NAA25: variants seen among roughly 807,000 people sequenced by gnomAD.
The protein encoded by NAA25 is N-terminal acetyltransferase B complex subunit NAA25.
A neutral mutation model predicts 132.5 loss-of-function variants in NAA25; 30 were observed. The observed-to-expected ratio is 0.23, with a 90% confidence interval of 0.17 to 0.31. The LOEUF is 0.31. Ranked by LOEUF, NAA25 falls within the 10% of genes least tolerant of loss-of-function variation. The pLI is 1.00. For missense variants in NAA25, 771 were observed against 1,150.4 expected (o/e 0.67, Z 4.77); for synonymous variants, 359 against 401.9 (o/e 0.89, Z 1.28).
intron 23 of NAA25, among the ~76,000 whole-genome samples, chr12:112,031,504 G>A (rs1183304913): frequency 6.6e-6 from 1 of 152,130 alleles, no homozygotes; most frequent in Non-Finnish European, 1.5e-5. Flanking sequence ...AGCCTAGAGA[G>A]GTTAGGTAAC....
intron 15 of NAA25, among the ~76,000 whole-genome samples, chr12:112,052,154 TGA>T (rs1011668149): frequency 1.3e-5 from 2 of 152,184 alleles, no homozygotes; most frequent in African/African-American, 2.4e-5. Context: ...ATTTTTTTTT[TGA>T]GTTAGTGAAA....
At chr12:112,054,720 A>C in intron 13 of NAA25, 152 bp from the exon 14 acceptor site, 1 of 675,008 alleles carries the variant, frequency 1.5e-6, no homozygotes, top group Non-Finnish European at 2.4e-6. Context: ...CTGTAACCAA[A>C]ATAGAGAATT....
intron 17 of NAA25, among the ~76,000 whole-genome samples, chr12:112,044,671 A>G (rs928473061): frequency 1.4e-5 from 2 of 145,892 alleles, no homozygotes; most frequent in Non-Finnish European, 3.1e-5. Flanking sequence ...CTCCATCTCA[A>G]AACAAAACAA....
At position 112,048,393 on chromosome 12, in the gene NAA25, G is replaced by A. The variant is rs3741996; in HGVS notation, c.1779C>T (p.Ile593=). ...TGTTCCTAAAAGCGATAAACTCTGG[G>A]ATCTTCTCAAATGCACCATATTTGT... The part of the protein sequence containing the change: ...QAYKYGAFEK[I]PEFIAFRNRL... Residue 593 remains isoleucine (I), a synonymous_variant, in exon 16 of 24, where the codon ATC becomes ATT. Transcript: ENST00000261745. The A allele has an allele frequency of 1.3e-3, 2,167 of 1,613,934 alleles. 30 individuals carry two copies. In the East Asian group the frequency reaches 0.04, roughly 30 times the overall value.
At position 112,033,376 on chromosome 12, in the gene NAA25, G is replaced by A; in HGVS notation, c.2653C>T (p.Pro885Ser). 2 of 1,597,930 alleles carry A rather than the reference G, an allele frequency of 1.3e-6. No individual in the cohort carries two copies. ...KKKETSIIMP[P>S]VFTSFQDYVT... ...TAGTCTTGGAAACTGGTAAAGACAG[G>A]TGGCTGGGAAAAAGATTAAAAAAGA... Residue 885 changes from proline (P) to serine (S), a missense_variant, in exon 23 of 24, where the codon CCT (proline) becomes TCT (serine). Transcript: ENST00000261745.
chr12:112,061,022 TAAGA>T (rs1459305430), intron 12 of NAA25, among the ~76,000 whole-genome samples, 155 bp downstream of exon 12: 1 of 152,214 alleles, frequency 6.6e-6, no homozygotes, highest in Non-Finnish European at 1.5e-5. Flanking sequence ...ACTCCAGGCT[TAAGA>T]AAGGCTTTAC....
intron 13 of NAA25, among the ~76,000 whole-genome samples, chr12:112,057,773 G>C (rs1279016856): frequency 1.3e-5 from 2 of 152,116 alleles, no homozygotes; most frequent in Admixed American, 1.3e-4. Context: ...GGTGGATCAC[G>C]AGGTCAAGAG....
intron 10 of NAA25, chr12:112,069,213 G>T (rs2078765515): frequency 2.3e-6 from 1 of 440,976 alleles, no homozygotes; most frequent in Admixed American, 4.0e-5. Flanking sequence ...GTCTTTAAAA[G>T]ATAAAAAAAT....
chr12:112,046,886 A>T (rs1238234974), intron 17 of NAA25, among the ~76,000 whole-genome samples: 1 of 152,126 alleles, frequency 6.6e-6, no homozygotes, highest in Non-Finnish European at 1.5e-5. Flanking sequence ...GAACTTAACA[A>T]ATTTATTATT....
intron 1 of NAA25, among the ~76,000 whole-genome samples, chr12:112,105,319 G>C (rs759043685): frequency 4.6e-5 from 7 of 152,094 alleles, no homozygotes; most frequent in Non-Finnish European, 1.0e-4. Context: ...AAAAAATAAC[G>C]AAAGAAGGCA....
At chr12:112,040,369 T>C in intron 21 of NAA25, 112 bp downstream of exon 21, 1 of 584,498 alleles carries the variant, frequency 1.7e-6, no homozygotes, top group Middle Eastern at 3.2e-4. Flanking sequence ...AAAACAGGGA[T>C]GGAGGGTTAA....
intron 13 of NAA25, among the ~76,000 whole-genome samples, chr12:112,058,097 C>T (rs2078574687): frequency 1.3e-5 from 2 of 151,226 alleles, no homozygotes; most frequent in Admixed American, 1.3e-4. Context: ...CAGTGAGCCA[C>T]GATTGTGCCA....
At chr12:112,070,696 C>T (rs1470165287) in intron 10 of NAA25, among the ~76,000 whole-genome samples, 1 of 152,046 alleles carries the variant, frequency 6.6e-6, no homozygotes, top group East Asian at 1.9e-4. Context: ...TGTGTCTCAG[C>T]CTCCCGAGTA....
chr12:112,099,089 C>A (rs1411035169), intron 1 of NAA25, among the ~76,000 whole-genome samples: 1 of 151,918 alleles, frequency 6.6e-6, no homozygotes, highest in East Asian at 1.9e-4. Context: ...TAGATTAAAG[C>A]AATTCTCCTG....
In NAA25 at chr12:112,108,782, G is replaced by A. The variant is rs2079404295; in HGVS notation, c.-9C>T. 2 of 1,503,036 alleles carry A rather than the reference G, an allele frequency of 1.3e-6. No individual in the cohort carries two copies. The highest frequency in any genetic ancestry group is 1.8e-4 in the Middle Eastern group (1 of 5,704). 93.1% of individuals were successfully genotyped at this position (1,503,036 alleles called of 1,614,324 possible). ...TGGCCCCGCGTCGCCATGATGACAA[G>A]CGCAGAACCACAGTGCGCACGCGCG... On this transcript the variant is annotated 5_prime_UTR_variant, in exon 1 of 24. Coordinates refer to ENST00000261745, the MANE Select transcript of NAA25 (RefSeq NM_024953.4).
chr12:112,092,967 T>A, intron 2 of NAA25, 84 bp downstream of exon 2: 3 of 920,472 alleles, frequency 3.3e-6, no homozygotes, highest in Non-Finnish European at 5.0e-6. Flanking sequence ...TGAGCCACCA[T>A]GCCCGGCCCT....
At chr12:112,077,984 C>T (rs996699801) in intron 7 of NAA25, among the ~76,000 whole-genome samples, 3 of 151,724 alleles carry the variant, frequency 2.0e-5, no homozygotes, top group Admixed American at 2.0e-4. Flanking sequence ...CTTTCACACT[C>T]CTTGAAGTTT....
At chr12:112,079,718 T>C (rs893274110) in intron 5 of NAA25, among the ~76,000 whole-genome samples, 1 of 152,130 alleles carries the variant, frequency 6.6e-6, no homozygotes, top group East Asian at 1.9e-4. Context: ...TCCTCTCCTA[T>C]ACAGAATCTC....
At chr12:112,059,304 G>T (rs138368614) in intron 13 of NAA25, among the ~76,000 whole-genome samples, 3 of 151,946 alleles carry the variant, frequency 2.0e-5, no homozygotes, top group African/African-American at 4.8e-5. Context: ...TCTGTGAAAT[G>T]ATCCATGAGG....
Sources: allele counts gnomAD v4.1 joint callset (sites outside exome capture counted in the v4.1 genomes callset), GRCh38; gene constraint gnomAD v4.1.1; transcripts MANE v1.5; gene names NCBI Gene and HGNC (gene_info 2026-07-23, HGNC 2026-07-21).